Variants in DNAH5 observed in about 807,000 individuals in gnomAD.
The protein encoded by DNAH5 is dynein axonemal heavy chain 5.
In DNAH5, 372 loss-of-function variants were observed where a neutral mutation model predicts 518.2. The ratio of observed to expected loss-of-function variants is 0.72; its 90% CI spans 0.66 to 0.78. The LOEUF is 0.78. Among genes scored for constraint, DNAH5 ranks in the 30% least tolerant of loss-of-function variants. DNAH5 has a pLI of 0.00. For missense variants in DNAH5, 5,523 were observed against 5,687.0 expected (o/e 0.97, Z 0.93); for synonymous variants, 2,039 against 2,025.9 (o/e 1.01, Z -0.17).
chr5:13,762,755 G>T lies in DNAH5; in HGVS notation c.10248C>A (p.Phe3416Leu). ...GCAGTACTTCTTTGTTTATAGAAAAGAAGGAAGCCATAGCTTTCGTCCAGG... is the reference window on the plus strand; with the variant it reads ...GCAGTACTTCTTTGTTTATAGAAAATAAGGAAGCCATAGCTTTCGTCCAGG... ...LCSWTKAMAS[F>L]FSINKEVLPL... The change falls in exon 60 of 79, where the codon TTC becomes TTA. Residue 3416 changes from phenylalanine (F) to leucine (L), a missense_variant. Around this residue, in one of 3 missense-constraint regions of DNAH5, gnomAD observed 5,121 missense variants for 5,223.3 expected, o/e 0.98. Coordinates refer to ENST00000265104, the MANE Select transcript of DNAH5 (RefSeq NM_001369.3). The T allele has an allele frequency of 1.2e-6, 2 of 1,614,086 alleles. No homozygotes were observed. Among genetic ancestry groups the T allele is most frequent in the Non-Finnish European group, 1.7e-6 (2 of 1,180,002 alleles).
Position 13,882,473 on chromosome 5 carries a change from G to C in DNAH5, c.3262+255C>G, listed in dbSNP as rs547458717. ...TTAAAAGATCATTCATCATGATTAAGTGAAATTTATCCCCTGGATGCAAGA... is the reference window on the plus strand; with the variant it reads ...TTAAAAGATCATTCATCATGATTAACTGAAATTTATCCCCTGGATGCAAGA... On this transcript the variant is annotated intron_variant, in intron 21 of 78. Transcript: ENST00000265104. Among the ~76,000 whole-genome samples, 24 of 152,116 alleles carry C rather than the reference G, an allele frequency of 1.6e-4. No homozygotes were observed. The South Asian group carries it at 5.0e-3, about 32-fold the overall frequency.
Position 13,902,150 on chromosome 5 carries a change from T to C in DNAH5, c.1645-12A>G. ...TTCCGCAACTCGTTCTAAAACAGAA[T>C]AAAATCTGATGATGAACAATAGAAT... is the stretch of plus-strand genomic sequence containing the variant. On this transcript the variant is annotated splice_polypyrimidine_tract_variant and intron_variant, in intron 12 of 78. Transcript: ENST00000265104. 5 of 1,568,074 alleles carry C rather than the reference T, an allele frequency of 3.2e-6. No individual in the cohort carries two copies. The highest frequency in any genetic ancestry group is 4.4e-6 in the Non-Finnish European group (5 of 1,141,126).
intron 61 of DNAH5, among the ~76,000 whole-genome samples, chr5:13,758,005 A>G (rs543620501): frequency 6.6e-6 from 1 of 152,190 alleles, no homozygotes; most frequent in Non-Finnish European, 1.5e-5. Context: ...TTTACCAAAT[A>G]TTGGATTTAT....
intron 55 of DNAH5, among the ~76,000 whole-genome samples, chr5:13,775,140 T>TG (rs1322816721): frequency 6.6e-6 from 1 of 151,472 alleles, no homozygotes; most frequent in Non-Finnish European, 1.5e-5. Flanking sequence ...TTTGTTTTTT[T>TG]TTTTTTTCAA....
intron 12 of DNAH5, among the ~76,000 whole-genome samples, chr5:13,910,602 C>A (rs12656560): frequency 1.3e-5 from 2 of 151,952 alleles, no homozygotes; most frequent in South Asian, 4.1e-4. Context: ...GAAAATGTCC[C>A]CATATTCATT....
intron 70 of DNAH5, 22 bp downstream of exon 70, chr5:13,727,485 C>A (rs1172451738): frequency 3.8e-6 from 6 of 1,588,568 alleles, no homozygotes; most frequent in Middle Eastern, 3.4e-4. Flanking sequence ...TCTCATTTTT[C>A]TCTTTAATAT....
chr5:13,754,090 C>T, intron 62 of DNAH5, 113 bp downstream of exon 62: 1 of 1,253,946 alleles, frequency 8.0e-7, no homozygotes, highest in Non-Finnish European at 1.2e-6. Context: ...GGGTTTGTTA[C>T]ATATGTATAC....
intron 1 of DNAH5, among the ~76,000 whole-genome samples, chr5:13,939,023 G>A (rs992598653): frequency 2.6e-5 from 4 of 152,098 alleles, no homozygotes; most frequent in African/African-American, 9.7e-5. Flanking sequence ...TCTCCTATCT[G>A]CCACATATAT....
At chr5:13,723,169 T>A (rs1170095485) in intron 70 of DNAH5, among the ~76,000 whole-genome samples, 1 of 152,204 alleles carries the variant, frequency 6.6e-6, no homozygotes, top group Non-Finnish European at 1.5e-5. Flanking sequence ...AATATCTAAA[T>A]CTCTAACTTG....
In DNAH5 at chr5:13,854,455, C is replaced by T. The variant is rs376466687; in HGVS notation, c.4951-3640G>A. Among the ~76,000 whole-genome samples, 6 of 152,278 alleles carry T rather than the reference C, an allele frequency of 3.9e-5. No homozygotes were observed. In the East Asian group the frequency reaches 7.7e-4, roughly 20 times the overall value. On this transcript the variant is annotated intron_variant, in intron 30 of 78. Transcript: ENST00000265104. ...GACCATTGATATTATGAAGAAACTG[C>T]ATCAACTAATGGACAAAATAACCAG...
chr5:13,814,821 A>T lies in DNAH5; in HGVS notation c.7014T>A (p.Asp2338Glu). The change falls in exon 43 of 79, where the codon GAT becomes GAA. Residue 2338 changes from aspartate (D) to glutamate (E), a missense_variant. Physicochemically the swap from Asp to Glu is conservative, Grantham distance 45. This residue lies in a region of DNAH5 where 5,121 missense variants were observed against 5,223.3 expected (regional missense o/e 0.98). Coordinates refer to ENST00000265104, the MANE Select transcript of DNAH5 (RefSeq NM_001369.3). ...KKGEHIWIIL[D>E]GPVDAIWIEN... ...CAATCCAGATGGCATCTACTGGACC[A>T]TCAAGAATTATCCAGATATGTTCCC... 6.2e-7 allele frequency: 1 copy of T among 1,613,936 alleles called. No individual in the cohort carries two copies. The highest frequency in any genetic ancestry group is 8.5e-7 in the Non-Finnish European group (1 of 1,179,950).
rs749389012 is a variant in DNAH5 at position 13,718,906 on chromosome 5, C to T, written c.12475G>A (p.Ala4159Thr). The change falls in exon 72 of 79, where the codon GCA becomes ACA. Residue 4159 changes from alanine (A) to threonine (T), a missense_variant. Transcript: ENST00000265104. Reference sequence around the variant, plus strand: ...CCACTATATGTTCTTTTCAGTCCTGCCCGGAGTCCTTGTGGAGGATCGTTG... The same window carrying T: ...CCACTATATGTTCTTTTCAGTCCTGTCCGGAGTCCTTGTGGAGGATCGTTG... ...FANDPPQGLRAGLKRTYSGVS... is the reference protein window; with the variant it reads ...FANDPPQGLRTGLKRTYSGVS... 2 of 1,613,904 alleles carry T rather than the reference C, an allele frequency of 1.2e-6. No homozygotes were observed. Among genetic ancestry groups the T allele is most frequent in the Non-Finnish European group, 1.7e-6 (2 of 1,179,812 alleles).
intron 58 of DNAH5, among the ~76,000 whole-genome samples, chr5:13,768,149 C>G (rs1752759920): frequency 6.6e-6 from 1 of 151,976 alleles, no homozygotes; most frequent in Non-Finnish European, 1.5e-5. Context: ...ATGTCCCCAC[C>G]CAAATCTCAT....
Position 13,751,058 on chromosome 5 carries a change from G to A in DNAH5, c.11211+20C>T, listed in dbSNP as rs1350634883. Reference sequence around the variant, plus strand: ...GACATTAAAGCAATGCAGAATGGGAGGGAGCCACACTTCACTCACCTGCTT... The same window carrying A: ...GACATTAAAGCAATGCAGAATGGGAAGGAGCCACACTTCACTCACCTGCTT... On this transcript the variant is annotated intron_variant, in intron 65 of 78. Coordinates refer to ENST00000265104, the MANE Select transcript of DNAH5 (RefSeq NM_001369.3). 2 of 1,612,914 alleles carry A rather than the reference G, an allele frequency of 1.2e-6. No individual in the cohort carries two copies. Among genetic ancestry groups the A allele is most frequent in the East Asian group, 2.2e-5 (1 of 44,840 alleles).
chr5:13,717,909 T>C (rs918298256), intron 72 of DNAH5, among the ~76,000 whole-genome samples: 8 of 152,202 alleles, frequency 5.3e-5, no homozygotes, highest in African/African-American at 1.9e-4. Flanking sequence ...TTTTAACTAA[T>C]TTTATATTAA....
chr5:13,791,845 TTA>T (rs1757044991), intron 50 of DNAH5, 147 bp downstream of exon 50: 1 of 633,612 alleles, frequency 1.6e-6, no homozygotes, highest in South Asian at 2.2e-5. Flanking sequence ...ATTTATTTCA[TTA>T]TGTTAGTTTA....
exon 1 of DNAH5, among the ~76,000 whole-genome samples, chr5:14,011,741 C>T (rs954029017): frequency 1.3e-5 from 2 of 152,162 alleles, no homozygotes; most frequent in African/African-American, 4.8e-5. Context: ...CCGCGCCCTG[C>T]CCTCGTCTGC....
intron 59 of DNAH5, among the ~76,000 whole-genome samples, chr5:13,763,551 A>G (rs987169793): frequency 1.3e-5 from 2 of 152,240 alleles, no homozygotes; most frequent in African/African-American, 2.4e-5. Flanking sequence ...TCACAAAAAG[A>G]AGACTGACCA....
At chr5:13,733,415 T>C (rs1746889833) in intron 68 of DNAH5, among the ~76,000 whole-genome samples, 1 of 152,100 alleles carries the variant, frequency 6.6e-6, no homozygotes, top group African/African-American at 2.4e-5. Context: ...GGAACAACAA[T>C]CCATTGAAAA....
Sources: gnomAD v4.1 joint callset for allele counts (sites outside exome capture counted in the v4.1 genomes callset) on GRCh38, gnomAD v4.1.1 for gene constraint, gnomAD v4.1.1 regional missense constraint, MANE v1.5 for transcripts, NCBI Gene and HGNC (gene_info 2026-07-23, HGNC 2026-07-21) for gene names.